The following STX8 variants were observed in gnomAD, a reference collection of about 807,000 sequenced individuals.
The protein encoded by STX8 is syntaxin-8.
Under a neutral mutation model 37.5 loss-of-function variants are expected in STX8, and 23 were observed. The observed-to-expected ratio is 0.61, with a 90% confidence interval of 0.44 to 0.87. The LOEUF is 0.87. Among genes scored for constraint, STX8 ranks in the 40% least tolerant of loss-of-function variants. The pLI, the probability that STX8 is intolerant of heterozygous loss-of-function variation, is 0.00. For synonymous variants in STX8, 115 were observed against 99.1 expected (o/e 1.16, Z -0.95); for missense variants, 313 against 284.7 (o/e 1.10, Z -0.71).
intron 7 of STX8, among the ~76,000 whole-genome samples, chr17:9,375,063 CAAA>C (rs58594029): frequency 9.2e-5 from 6 of 65,470 alleles, no homozygotes; most frequent in Non-Finnish European, 1.3e-4. Flanking sequence ...GACTCTGTCT[CAAA>C]AAAAAAAAAA....
At chr17:9,456,772 C>T (rs1040432565) in intron 6 of STX8, among the ~76,000 whole-genome samples, 1 of 152,222 alleles carries the variant, frequency 6.6e-6, no homozygotes, top group East Asian at 1.9e-4. Flanking sequence ...ATAATTTATC[C>T]ATCTTTCCAA....
At chr17:9,429,303 C>G (rs949831639) in intron 6 of STX8, among the ~76,000 whole-genome samples, 1 of 144,042 alleles carries the variant, frequency 6.9e-6, no homozygotes, top group East Asian at 2.0e-4. Flanking sequence ...TATATAAATA[C>G]ATTATTTATA....
chr17:9,526,111 G>A (rs1905559318), intron 4 of STX8, among the ~76,000 whole-genome samples: 1 of 152,166 alleles, frequency 6.6e-6, no homozygotes, highest in South Asian at 2.1e-4. Context: ...TTCAAAGCCA[G>A]TGGGAAAGGA....
chr17:9,484,917 A>G (rs1906518210), intron 6 of STX8, among the ~76,000 whole-genome samples: 1 of 152,156 alleles, frequency 6.6e-6, no homozygotes, highest in Non-Finnish European at 1.5e-5. Context: ...GTGTAATTCT[A>G]GTGACAGGGA....
At chr17:9,519,957 C>G (rs934366987) in intron 4 of STX8, among the ~76,000 whole-genome samples, 5 of 152,194 alleles carry the variant, frequency 3.3e-5, no homozygotes, top group Non-Finnish European at 5.9e-5. Context: ...GCTATGTTCA[C>G]AACCTCTAAC....
intron 7 of STX8, among the ~76,000 whole-genome samples, chr17:9,294,031 C>T (rs777223846): frequency 1.3e-5 from 2 of 152,148 alleles, no homozygotes; most frequent in Non-Finnish European, 2.9e-5. Context: ...TCCCAAAGTG[C>T]TGGGATTACA....
At chr17:9,506,127 GCTGT>G (rs150982189) in intron 4 of STX8, among the ~76,000 whole-genome samples, 197 of 151,982 alleles carry the variant, frequency 1.3e-3, no homozygotes, top group South Asian at 4.6e-3. Flanking sequence ...AGTTGGTCTC[GCTGT>G]CTAAGGAACA....
rs148488540 is a variant in STX8, at chr17:9,266,933, C to T, written c.644-16288G>A. Reference sequence around the variant, plus strand: ...TGGCTCTGAAGCCTGTCCCCTTTGTCGGGGCAGAAAAAATGGGCTCTCCTG... The same window carrying T: ...TGGCTCTGAAGCCTGTCCCCTTTGTTGGGGCAGAAAAAATGGGCTCTCCTG... On this transcript the variant is annotated intron_variant, in intron 7 of 7. Transcript: ENST00000306357. 6.3e-3 allele frequency among the ~76,000 whole-genome samples: 966 copies of T among 152,268 alleles called. 12 individuals carry two copies. The highest frequency in any genetic ancestry group is 0.022 in the African/African-American group (906 of 41,548).
At chr17:9,386,509 C>T (rs1467326920) in intron 6 of STX8, among the ~76,000 whole-genome samples, 1 of 151,694 alleles carries the variant, frequency 6.6e-6, no homozygotes, top group Non-Finnish European at 1.5e-5. Context: ...GTACAGCTGT[C>T]AAAACACACA....
At chr17:9,512,841 C>T (rs948048524) in intron 4 of STX8, among the ~76,000 whole-genome samples, 1 of 152,098 alleles carries the variant, frequency 6.6e-6, no homozygotes, top group Admixed American at 6.5e-5. Context: ...TAAGAATGAA[C>T]CTGGACACCC....
chr17:9,412,884 A>C (rs1372193822), intron 6 of STX8, among the ~76,000 whole-genome samples: 1 of 152,216 alleles, frequency 6.6e-6, no homozygotes, highest in Non-Finnish European at 1.5e-5. Context: ...AGGGGTGTAG[A>C]GGAAGTAGAG....
chr17:9,357,288 A>G (rs1036365420), intron 7 of STX8, among the ~76,000 whole-genome samples: 31 of 152,144 alleles, frequency 2.0e-4, no homozygotes, highest in African/African-American at 7.5e-4. Flanking sequence ...TATTCTAACA[A>G]GTTGTTTGCA....
At chr17:9,455,766 T>C (rs1383243300) in intron 6 of STX8, among the ~76,000 whole-genome samples, 5 of 152,218 alleles carry the variant, frequency 3.3e-5, no homozygotes, top group Non-Finnish European at 7.3e-5. Context: ...CAATGTCCTC[T>C]GCAGACAGTA....
chr17:9,521,736 G>A (rs1175192413), intron 4 of STX8, among the ~76,000 whole-genome samples: 2 of 152,224 alleles, frequency 1.3e-5, no homozygotes, highest in Middle Eastern at 3.4e-3. Context: ...ACATTGTGCC[G>A]ACTGCAAAGT....
intron 7 of STX8, among the ~76,000 whole-genome samples, chr17:9,299,922 T>C (rs570843075): frequency 6.6e-6 from 1 of 152,192 alleles, no homozygotes; most frequent in Non-Finnish European, 1.5e-5. Flanking sequence ...CTTGGAGATG[T>C]AGAGAGCTTT....
Position 9,458,385 on chromosome 17 carries a change from G to A in STX8, c.541+33444C>T, listed in dbSNP as rs537616573. Among the ~76,000 whole-genome samples, 142 of 151,090 alleles carry A rather than the reference G, an allele frequency of 9.4e-4. 1 individual carries two copies. The highest frequency in any genetic ancestry group is 2.7e-3 in the African/African-American group (111 of 40,512). On this transcript the variant is annotated intron_variant, in intron 6 of 7. Transcript: ENST00000306357. The stretch of plus-strand genomic sequence containing the variant: ...AGGATGGTGTCGATCTCCTGACTTC[G>A]TGATCCGCCCGCCTTGGCCTCCCAA...
chr17:9,478,921 C>G (rs529345220), intron 6 of STX8, among the ~76,000 whole-genome samples: 148 of 152,270 alleles, frequency 9.7e-4, no homozygotes, highest in African/African-American at 3.3e-3. Flanking sequence ...CCTTCCACAG[C>G]CTCCTGTCCT....
chr17:9,490,063 T>C (rs1248340732), intron 6 of STX8, among the ~76,000 whole-genome samples: 1 of 152,174 alleles, frequency 6.6e-6, no homozygotes, highest in Non-Finnish European at 1.5e-5. Context: ...TGCAAATACA[T>C]AAATTAGCCT....
chr17:9,549,118 C>T (rs12948851), intron 3 of STX8, among the ~76,000 whole-genome samples: 63 of 152,016 alleles, frequency 4.1e-4, no homozygotes, highest in Non-Finnish European at 7.6e-4. Flanking sequence ...TAACACTTAA[C>T]TATAAAGAAT....
Sources: gnomAD v4.1 joint callset for allele counts (sites outside exome capture counted in the v4.1 genomes callset) on GRCh38, gnomAD v4.1.1 for gene constraint, MANE v1.5 for transcripts, NCBI Gene and HGNC (gene_info 2026-07-23, HGNC 2026-07-21) for gene names.